Variants in PPP2R3A observed in about 807,000 individuals in gnomAD.
The protein encoded by PPP2R3A is protein phosphatase 2 regulatory subunit B''alpha.
In PPP2R3A, 80 loss-of-function variants were observed where a neutral mutation model predicts 106.9. The ratio of observed to expected loss-of-function variants is 0.75; its 90% CI spans 0.62 to 0.90. PPP2R3A has a LOEUF of 0.90. PPP2R3A is among the 40% of genes least tolerant of loss of function. PPP2R3A has a pLI of 0.00. For missense variants in PPP2R3A, 1,386 were observed against 1,350.4 expected (o/e 1.03, Z -0.41); for synonymous variants, 483 against 468.3 (o/e 1.03, Z -0.41).
chr3:136,118,008 C>T (rs1937843103), intron 13 of PPP2R3A, among the ~76,000 whole-genome samples: 1 of 152,176 alleles, frequency 6.6e-6, no homozygotes, highest in Admixed American at 6.5e-5. Context: ...TCCAGCAGCA[C>T]ATCAGAAAGC....
chr3:136,069,443 G>A (rs1936360958), intron 5 of PPP2R3A, among the ~76,000 whole-genome samples: 1 of 152,092 alleles, frequency 6.6e-6, no homozygotes, highest in Non-Finnish European at 1.5e-5. Flanking sequence ...CTGGTGTGGT[G>A]CGACATACCT....
intron 9 of PPP2R3A, 140 bp downstream of exon 9, chr3:136,088,071 A>C: frequency 1.6e-6 from 1 of 633,184 alleles, no homozygotes; most frequent in South Asian, 2.5e-5. Flanking sequence ...ATGGCTTAAT[A>C]CAAGACAGTA....
chr3:136,004,070 T>C (rs969434882), intron 2 of PPP2R3A, among the ~76,000 whole-genome samples: 2 of 152,200 alleles, frequency 1.3e-5, no homozygotes, highest in Admixed American at 1.3e-4. Context: ...AGTATTGTCA[T>C]AACAGTAGGC....
At chr3:136,054,742 G>A (rs962588786) in intron 5 of PPP2R3A, among the ~76,000 whole-genome samples, 2 of 152,154 alleles carry the variant, frequency 1.3e-5, no homozygotes, top group South Asian at 4.1e-4. Context: ...TTCTACCTTT[G>A]TAAAACAAGA....
chr3:136,106,246 G>C lies in PPP2R3A; in HGVS notation c.3253G>C (p.Asp1085His). Reference protein sequence around the residue: ...DVENDGPEPSDWDRFAAEEYE... With the variant: ...DVENDGPEPSHWDRFAAEEYE... ...TGAGAACGATGGGCCTGAGCCCTCA[G>C]ACTGGGACCGGTTTGCCGCTGAGGA... Residue 1085 changes from aspartate (D) to histidine (H), a missense_variant, in exon 13 of 14, where the codon GAC becomes CAC. Coordinates refer to ENST00000264977, the MANE Select transcript of PPP2R3A (RefSeq NM_002718.5). 1 of 1,610,562 alleles carries C rather than the reference G, an allele frequency of 6.2e-7. No individual in the cohort carries two copies. Among genetic ancestry groups the C allele is most frequent in the Non-Finnish European group, 8.5e-7 (1 of 1,179,246 alleles).
intron 13 of PPP2R3A, among the ~76,000 whole-genome samples, chr3:136,107,536 T>G (rs879124627): frequency 6.7e-6 from 1 of 149,284 alleles, no homozygotes; most frequent in Admixed American, 6.8e-5. Flanking sequence ...AGAGCAGGTC[T>G]AGAGGGATAA....
At chr3:136,121,912 C>G (rs1309947541) in intron 13 of PPP2R3A, among the ~76,000 whole-genome samples, 3 of 151,998 alleles carry the variant, frequency 2.0e-5, no homozygotes, top group Non-Finnish European at 2.9e-5. Context: ...CCAATGTTCC[C>G]TTCCAATGCA....
intron 1 of PPP2R3A, among the ~76,000 whole-genome samples, chr3:135,994,880 C>T (rs1479277266): frequency 6.6e-6 from 1 of 152,150 alleles, no homozygotes; most frequent in Non-Finnish European, 1.5e-5. Context: ...TTCAAAAATC[C>T]AGTTCCTCTC....
At chr3:135,970,837 C>G (rs1010223526) in intron 1 of PPP2R3A, among the ~76,000 whole-genome samples, 1 of 152,130 alleles carries the variant, frequency 6.6e-6, no homozygotes, top group Non-Finnish European at 1.5e-5. Flanking sequence ...CTCCCACGTT[C>G]TTAGGGGTCT....
At chr3:136,092,762 G>C (rs1357377962) in intron 10 of PPP2R3A, among the ~76,000 whole-genome samples, 1 of 152,208 alleles carries the variant, frequency 6.6e-6, no homozygotes, top group Admixed American at 6.5e-5. Flanking sequence ...TGGATGCCAG[G>C]ACGATCCAAT....
chr3:135,978,649 A>G (rs1451214708), intron 1 of PPP2R3A, among the ~76,000 whole-genome samples: 2 of 151,440 alleles, frequency 1.3e-5, no homozygotes, highest in Admixed American at 1.3e-4. Flanking sequence ...ATTCTCTCAA[A>G]GAGCAGTGTG....
chr3:135,971,004 A>G (rs923878070), intron 1 of PPP2R3A, among the ~76,000 whole-genome samples: 1 of 152,156 alleles, frequency 6.6e-6, no homozygotes, highest in Non-Finnish European at 1.5e-5. Flanking sequence ...TGACCCTGAC[A>G]TCATCCTCCC....
intron 3 of PPP2R3A, among the ~76,000 whole-genome samples, chr3:136,039,274 CAT>C (rs966707086): frequency 2.0e-5 from 3 of 152,170 alleles, no homozygotes; most frequent in Non-Finnish European, 2.9e-5. Context: ...TGAATAATAA[CAT>C]ATTTATCTCA....
At chr3:136,128,340 C>CG (rs1938266027) in intron 13 of PPP2R3A, among the ~76,000 whole-genome samples, 1 of 103,758 alleles carries the variant, frequency 9.6e-6, no homozygotes, top group Non-Finnish European at 2.1e-5. Flanking sequence ...AAATGGAAAG[C>CG]AAAAAAAAAA....
intron 1 of PPP2R3A, among the ~76,000 whole-genome samples, chr3:135,969,380 G>C (rs1473714915): frequency 3.9e-5 from 6 of 152,188 alleles, no homozygotes; most frequent in Non-Finnish European, 7.3e-5. Context: ...TATGGTACAA[G>C]GGTTGAGAGG....
rs1491461536 is a variant in PPP2R3A, at chr3:136,087,243, G to GTATCTCTCTC, written c.2789-639_2789-638insATCTCTCTCT. 5.3e-5 allele frequency among the ~76,000 whole-genome samples: 4 copies of GTATCTCTCTC among 75,128 alleles called. No homozygotes were observed. The South Asian group carries it at 2.4e-3, about 45-fold the overall frequency. The allele number at this position is 75,128 out of a possible 152,430, so 49.3% of individuals were successfully genotyped here. ...TAAATGAAAGAACAGGTCTCTAGTC[G>GTATCTCTCTC]TGTCTCTCTCTCTCTCTCTCTCTCT... On this transcript the variant is annotated intron_variant, in intron 8 of 13. Coordinates refer to ENST00000264977, the MANE Select transcript of PPP2R3A (RefSeq NM_002718.5).
chr3:136,001,706 T>C lies in PPP2R3A; in HGVS notation c.208T>C (p.Ser70Pro). ...VSQFKDADLN[S>P]MFLPHENGLS... ...TCAGTTCAAAGATGCAGATCTGAAC[T>C]CTATGTTTCTACCCCATGAAAATGG... Residue 70 changes from serine (S) to proline (P), a missense_variant, in exon 2 of 14, where the codon TCT becomes CCT. By Grantham distance (74) the Ser-to-Pro change is moderately conservative (BLOSUM62 -1). Transcript: ENST00000264977. 9.3e-6 allele frequency: 15 copies of C among 1,614,100 alleles called. No individual in the cohort carries two copies. Among genetic ancestry groups the C allele is most frequent in the Non-Finnish European group, 1.1e-5 (13 of 1,180,010 alleles).
chr3:135,987,520 A>G (rs1234248678), intron 1 of PPP2R3A, among the ~76,000 whole-genome samples: 1 of 152,174 alleles, frequency 6.6e-6, no homozygotes, highest in Non-Finnish European at 1.5e-5. Flanking sequence ...GGAGGGAGAC[A>G]CTACCAAGTC....
At chr3:136,017,668 T>C (rs935576696) in intron 2 of PPP2R3A, among the ~76,000 whole-genome samples, 1 of 152,204 alleles carries the variant, frequency 6.6e-6, no homozygotes, top group Non-Finnish European at 1.5e-5. Flanking sequence ...TTCTGTAGCA[T>C]CTTCTGAGCA....
Sources: gnomAD v4.1 joint callset for allele counts (sites outside exome capture counted in the v4.1 genomes callset) on GRCh38, gnomAD v4.1.1 for gene constraint, MANE v1.5 for transcripts, NCBI Gene and HGNC (gene_info 2026-07-23, HGNC 2026-07-21) for gene names.